Variants in DLGAP2 observed in about 807,000 individuals in gnomAD.
DLGAP2 encodes the protein disks large-associated protein 2.
A neutral mutation model predicts 100.3 loss-of-function variants in DLGAP2; 26 were observed. The observed-to-expected ratio is 0.26, with a 90% CI of 0.19 to 0.36. The LOEUF is 0.36. Among genes scored for constraint, DLGAP2 ranks in the 10% least tolerant of loss-of-function variants. The pLI is 1.00. For synonymous variants in DLGAP2, 886 were observed against 630.1 expected (o/e 1.41, Z -6.08); for missense variants, 1,858 against 1,453.2 (o/e 1.28, Z -4.53).
At chr8:1,340,637 T>C (rs772286170) in intron 3 of DLGAP2, among the ~76,000 whole-genome samples, 1 of 152,200 alleles carries the variant, frequency 6.6e-6, no homozygotes, top group African/African-American at 2.4e-5. Flanking sequence ...GCTGGGAGTG[T>C]AAAGTAATTC....
In DLGAP2 at chr8:1,641,950, T is replaced by C. The variant is rs1490204580; in HGVS notation, c.1810+8904T>C. ...GTGTCACCCTCGACCCCGCCGGTCC[T>C]CACCTGTGTCACCCTCGACCCCGCC... On this transcript the variant is annotated intron_variant, in intron 8 of 14. Coordinates refer to ENST00000637795, the MANE Select transcript of DLGAP2 (RefSeq NM_001346810.2). Among the ~76,000 whole-genome samples the C allele has an allele frequency of 8.1e-3, 720 of 88,372 alleles. 12 individuals carry two copies. Among genetic ancestry groups the C allele is most frequent in the African/African-American group, 0.038 (509 of 13,324 alleles). 58.0% of individuals were successfully genotyped at this position (88,372 alleles called of 152,430 possible). A position where few individuals can be genotyped will look rare whatever the true frequency, so the allele number is the denominator to read the frequency against.
intron 6 of DLGAP2, among the ~76,000 whole-genome samples, chr8:1,586,970 C>T (rs1421749234): frequency 6.6e-6 from 1 of 152,150 alleles, no homozygotes; most frequent in Non-Finnish European, 1.5e-5. Flanking sequence ...TTCCAAATTG[C>T]TTTTTTCTAA....
In DLGAP2 at chr8:1,436,958, G is replaced by T. The variant is rs373791614; in HGVS notation, c.107-64408G>T. Among the ~76,000 whole-genome samples, 183 of 152,372 alleles carry T rather than the reference G, an allele frequency of 1.2e-3. 1 individual carries two copies. The highest frequency in any genetic ancestry group is 4.1e-3 in the African/African-American group (172 of 41,586). ...TTCAGTGCAGTCACACGCTGTGCAG[G>T]TGCAGCCTGGGAGCAGGAGGCCTAT... On this transcript the variant is annotated intron_variant, in intron 3 of 14. Transcript: ENST00000637795.
chr8:855,886 G>T (rs1282574427), intron 1 of DLGAP2, among the ~76,000 whole-genome samples: 2 of 152,102 alleles, frequency 1.3e-5, no homozygotes, highest in African/African-American at 4.8e-5. Flanking sequence ...AGCTAGGGAT[G>T]GGGGAGAACT....
At chr8:1,435,120 C>T (rs1797578655) in intron 3 of DLGAP2, among the ~76,000 whole-genome samples, 1 of 152,242 alleles carries the variant, frequency 6.6e-6, no homozygotes, top group African/African-American at 2.4e-5. Flanking sequence ...CTCGGGCCTA[C>T]TGTGTCCTCT....
chr8:1,015,100 C>T (rs1474484244), intron 2 of DLGAP2, among the ~76,000 whole-genome samples: 1 of 19,308 alleles, frequency 5.2e-5, no homozygotes, highest in African/African-American at 3.0e-4. Context: ...CCAGGACAGA[C>T]GCCTCCACTG....
intron 3 of DLGAP2, among the ~76,000 whole-genome samples, chr8:1,379,975 G>A (rs1298274557): frequency 6.6e-6 from 1 of 151,148 alleles, no homozygotes; most frequent in African/African-American, 2.4e-5. Context: ...TGCTCTTTTG[G>A]GGGTGCTCTC....
chr8:1,139,480 G>A (rs1231799572), intron 2 of DLGAP2, among the ~76,000 whole-genome samples: 4 of 152,194 alleles, frequency 2.6e-5, no homozygotes, highest in Non-Finnish European at 5.9e-5. Context: ...CTCACGTGGA[G>A]CAAGGGGCCT....
chr8:1,175,310 C>A (rs150836149), intron 2 of DLGAP2, among the ~76,000 whole-genome samples: 14 of 152,010 alleles, frequency 9.2e-5, no homozygotes, highest in African/African-American at 3.4e-4. Context: ...AAGATCAATA[C>A]ATGTACGTGT....
At chr8:1,291,941 TCACA>T (rs1393555823) in intron 3 of DLGAP2, among the ~76,000 whole-genome samples, 14 of 152,160 alleles carry the variant, frequency 9.2e-5, no homozygotes, top group Admixed American at 5.2e-4. Flanking sequence ...AGACTCTTAA[TCACA>T]CAATCCAGGG....
At chr8:1,510,077 C>T (rs759651167) in intron 4 of DLGAP2, among the ~76,000 whole-genome samples, 1 of 152,208 alleles carries the variant, frequency 6.6e-6, no homozygotes, top group Non-Finnish European at 1.5e-5. Flanking sequence ...ATTTTAGATT[C>T]TGAAGAGTTT....
At chr8:1,009,853 A>C (rs1439207170) in intron 2 of DLGAP2, among the ~76,000 whole-genome samples, 4 of 152,234 alleles carry the variant, frequency 2.6e-5, no homozygotes, top group African/African-American at 9.6e-5. Context: ...AAAATATCAA[A>C]TGCCCATTTA....
intron 1 of DLGAP2, chr8:822,296 G>T: frequency 2.5e-6 from 1 of 399,020 alleles, no homozygotes; most frequent in Non-Finnish European, 4.4e-6. Flanking sequence ...CCCGGGGAGG[G>T]GCACAGGGGT....
intron 2 of DLGAP2, among the ~76,000 whole-genome samples, 157 bp downstream of exon 2, chr8:908,123 G>A (rs1432065201): frequency 6.6e-6 from 1 of 152,200 alleles, no homozygotes; most frequent in Non-Finnish European, 1.5e-5. Flanking sequence ...AGACCTGAAA[G>A]TAGGATATTT....
At chr8:1,100,846 G>C (rs1018785346) in intron 2 of DLGAP2, among the ~76,000 whole-genome samples, 14 of 152,240 alleles carry the variant, frequency 9.2e-5, no homozygotes, top group Admixed American at 9.2e-4. Flanking sequence ...ATTTCATACA[G>C]ATGATAGCAT....
intron 5 of DLGAP2, among the ~76,000 whole-genome samples, chr8:1,559,708 G>A (rs764995678): frequency 6.6e-5 from 10 of 152,154 alleles, no homozygotes; most frequent in Non-Finnish European, 1.2e-4. Flanking sequence ...CTTCTTTGAT[G>A]GCAGAGGAGC....
intron 2 of DLGAP2, among the ~76,000 whole-genome samples, chr8:1,226,173 G>A (rs758159311): frequency 5.3e-5 from 8 of 152,030 alleles, no homozygotes; most frequent in African/African-American, 1.2e-4. Context: ...AGATGCATGC[G>A]CACGTATGTT....
intron 8 of DLGAP2, among the ~76,000 whole-genome samples, chr8:1,667,521 G>A (rs1388049329): frequency 6.6e-6 from 1 of 152,202 alleles, no homozygotes; most frequent in Non-Finnish European, 1.5e-5. Flanking sequence ...TACTTATAGG[G>A]AAGCAAGTAA....
chr8:1,443,005 T>C (rs1475235413), intron 3 of DLGAP2, among the ~76,000 whole-genome samples: 1 of 152,284 alleles, frequency 6.6e-6, no homozygotes, highest in Non-Finnish European at 1.5e-5. Flanking sequence ...AGTTAAGATT[T>C]TAAAATTAAC....
Sources: gnomAD v4.1 joint callset for allele counts (sites outside exome capture counted in the v4.1 genomes callset) on GRCh38, gnomAD v4.1.1 for gene constraint, MANE v1.5 for transcripts, NCBI Gene and HGNC (gene_info 2026-07-23, HGNC 2026-07-21) for gene names.